Variants in ZNF678 observed in about 807,000 individuals in gnomAD.
The protein encoded by ZNF678 is zinc finger protein 678.
Under a neutral mutation model 3.0 loss-of-function variants are expected in ZNF678, and 5 were observed. That is an observed-to-expected ratio of 1.69 (90% CI 0.88 to 3.56). ZNF678 has a LOEUF of 3.56. Among genes scored for constraint, ZNF678 ranks in the 30% most tolerant of loss-of-function variants. The pLI, the probability that ZNF678 is intolerant of heterozygous loss-of-function variation, is 0.00. For missense variants in ZNF678, 593 were observed against 605.0 expected (o/e 0.98, Z 0.21); for synonymous variants, 218 against 199.6 (o/e 1.09, Z -0.78).
At chr1:227,622,565 C>T (rs1460103153) in intron 1 of ZNF678, among the ~76,000 whole-genome samples, 1 of 152,188 alleles carries the variant, frequency 6.6e-6, no homozygotes, top group African/African-American at 2.4e-5. Context: ...CTTCTTTCAT[C>T]AACAGGAGGC....
At chr1:227,643,400 A>G (rs1036696072) in intron 1 of ZNF678, among the ~76,000 whole-genome samples, 2 of 152,190 alleles carry the variant, frequency 1.3e-5, no homozygotes, top group Non-Finnish European at 1.5e-5. Context: ...CTTAGGAAAG[A>G]CGTAACTGAA....
At chr1:227,673,441 AT>A (rs1419053363) in intron 5 of ZNF678, among the ~76,000 whole-genome samples, 2 of 152,230 alleles carry the variant, frequency 1.3e-5, no homozygotes, top group Non-Finnish European at 2.9e-5. Flanking sequence ...ATAAAACAAA[AT>A]TGGAGGGAGG....
At chr1:227,599,062 C>G (rs767173793) in intron 1 of ZNF678, 150 of 1,595,898 alleles carry the variant, frequency 9.4e-5, no homozygotes, top group Non-Finnish European at 1.2e-4. Flanking sequence ...TCAAATAATC[C>G]TGTATTGTTG....
chr1:227,583,567 A>G (rs1257534593), intron 1 of ZNF678, among the ~76,000 whole-genome samples: 2 of 151,776 alleles, frequency 1.3e-5, no homozygotes, highest in Non-Finnish European at 2.9e-5. Flanking sequence ...CATTAGAAAA[A>G]CTAAAAACAC....
At chr1:227,595,431 A>G (rs1172509223) in intron 1 of ZNF678, among the ~76,000 whole-genome samples, 2 of 152,208 alleles carry the variant, frequency 1.3e-5, no homozygotes, top group African/African-American at 2.4e-5. Flanking sequence ...CAAGGGACCT[A>G]TCCAGGCTTC....
chr1:227,592,530 G>A (rs1277879560), intron 1 of ZNF678, among the ~76,000 whole-genome samples: 1 of 152,208 alleles, frequency 6.6e-6, no homozygotes, highest in Non-Finnish European at 1.5e-5. Flanking sequence ...GGAAGCCCCA[G>A]GGCTGGGGCC....
intron 1 of ZNF678, among the ~76,000 whole-genome samples, chr1:227,632,553 T>C (rs1658573296): frequency 6.6e-6 from 1 of 151,866 alleles, no homozygotes; most frequent in African/African-American, 2.4e-5. Context: ...CCCAGGAATA[T>C]TGTGAAAGTG....
intron 1 of ZNF678, among the ~76,000 whole-genome samples, chr1:227,637,743 C>T (rs926449727): frequency 3.9e-5 from 6 of 151,986 alleles, no homozygotes; most frequent in South Asian, 2.1e-4. Flanking sequence ...GCAAGTAAAG[C>T]GAAGGAGAGA....
downstream of ZNF678, among the ~76,000 whole-genome samples, chr1:227,678,818 T>G (rs1659723220): frequency 6.6e-6 from 1 of 152,154 alleles, no homozygotes; most frequent in South Asian, 2.1e-4. Context: ...TAAAACCAAA[T>G]AGCTGCTGGG....
chr1:227,652,655 A>G (rs1659117616), intron 3 of ZNF678, among the ~76,000 whole-genome samples: 1 of 151,946 alleles, frequency 6.6e-6, no homozygotes, highest in South Asian at 2.1e-4. Context: ...GCATACAGAA[A>G]TTTTTTTCAT....
intron 1 of ZNF678, among the ~76,000 whole-genome samples, chr1:227,612,689 T>C (rs773654877): frequency 2.6e-5 from 4 of 152,208 alleles, no homozygotes; most frequent in Admixed American, 6.5e-5. Flanking sequence ...TTCAACTCAG[T>C]TGCTTAAGCC....
At chr1:227,589,634 A>G (rs1046663203) in intron 1 of ZNF678, among the ~76,000 whole-genome samples, 1 of 151,660 alleles carries the variant, frequency 6.6e-6, no homozygotes, top group Non-Finnish European at 1.5e-5. Flanking sequence ...GGCTGTGATC[A>G]ATTGAGCAAG....
downstream of ZNF678, among the ~76,000 whole-genome samples, chr1:227,663,843 C>T (rs888306862): frequency 2.6e-5 from 4 of 152,170 alleles, no homozygotes; most frequent in Non-Finnish European, 4.4e-5. Flanking sequence ...TCTTTGTCCT[C>T]GGCCCACTTT....
At chr1:227,634,161 A>C (rs774570352) in intron 1 of ZNF678, among the ~76,000 whole-genome samples, 4 of 152,194 alleles carry the variant, frequency 2.6e-5, no homozygotes, top group Admixed American at 6.5e-5. Flanking sequence ...GGAAAGACCC[A>C]GTCCTTGCAG....
intron 1 of ZNF678, among the ~76,000 whole-genome samples, chr1:227,606,388 T>C (rs1156707732): frequency 6.6e-6 from 1 of 152,194 alleles, no homozygotes; most frequent in Admixed American, 6.5e-5. Context: ...TACCCAAACA[T>C]CTCAGTGTAG....
intron 5 of ZNF678, among the ~76,000 whole-genome samples, chr1:227,674,779 T>G (rs1343879017): frequency 6.6e-6 from 1 of 151,964 alleles, no homozygotes; most frequent in Non-Finnish European, 1.5e-5. Flanking sequence ...ATTTTTCTAT[T>G]TTTAGTAGAG....
chr1:227,585,496 C>T (rs533567839), intron 1 of ZNF678, among the ~76,000 whole-genome samples: 8 of 151,988 alleles, frequency 5.3e-5, no homozygotes, highest in South Asian at 2.1e-4. Flanking sequence ...AGATCTTGGC[C>T]GGGCACGGTG....
At chr1:227,619,917 T>A (rs1455030637) in intron 1 of ZNF678, among the ~76,000 whole-genome samples, 1 of 152,084 alleles carries the variant, frequency 6.6e-6, no homozygotes. Context: ...AGACAACCAG[T>A]TGGTGTTGGA....
chr1:227,635,122 C>T (rs887991958), intron 1 of ZNF678, among the ~76,000 whole-genome samples: 4 of 151,246 alleles, frequency 2.6e-5, no homozygotes, highest in African/African-American at 7.3e-5. Context: ...AAGTTGAATA[C>T]GTAAGTGAAG....
Sources: allele counts gnomAD v4.1 joint callset (sites outside exome capture counted in the v4.1 genomes callset), GRCh38; gene constraint gnomAD v4.1.1; transcripts MANE v1.5; gene names NCBI Gene and HGNC (gene_info 2026-07-23, HGNC 2026-07-21).